The following KSR2 variants were observed in gnomAD, a reference collection of about 807,000 sequenced individuals.
The protein encoded by KSR2 is kinase suppressor of ras 2.
In KSR2, 25 loss-of-function variants were observed where a neutral mutation model predicts 107.8. The ratio of observed to expected loss-of-function variants is 0.23; its 90% confidence interval spans 0.17 to 0.32. The LOEUF (loss-of-function observed/expected upper bound fraction) is 0.32, where lower values mean the gene tolerates loss of function less well. Among genes scored for constraint, KSR2 ranks in the 10% least tolerant of loss-of-function variants. The pLI, the probability that KSR2 is intolerant of heterozygous loss-of-function variation, is 1.00. For missense variants in KSR2, 887 were observed against 1,268.9 expected, an observed-to-expected ratio of 0.70 and a Z score of 4.57; for synonymous variants, 480 against 507.0, an observed-to-expected ratio of 0.95 and a Z score of 0.71.
At chr12:117,947,192 AAAGAAAAGAAAGAAAAG>A (rs1236790676) in intron 1 of KSR2, among the ~76,000 whole-genome samples, 7 of 94,898 alleles carry the variant, frequency 7.4e-5, no homozygotes, top group Non-Finnish European at 8.8e-5. Flanking sequence ...GAAAGAAAAG[AAAGAAAAGAAAGAAAAG>A]AAAGAAAGAA....
chr12:117,683,080 G>C (rs1885436969), intron 4 of KSR2, among the ~76,000 whole-genome samples: 1 of 152,128 alleles, frequency 6.6e-6, no homozygotes, highest in Non-Finnish European at 1.5e-5. Flanking sequence ...TGGCAGGTGA[G>C]GGGGCTGTGG....
chr12:117,592,263 A>G (rs1880368099), intron 5 of KSR2, among the ~76,000 whole-genome samples: 3 of 151,698 alleles, frequency 2.0e-5, no homozygotes, highest in Admixed American at 2.0e-4. Flanking sequence ...ACAGGTACCC[A>G]CAACCACGAC....
chr12:117,797,747 C>T (rs1186466877), intron 3 of KSR2, among the ~76,000 whole-genome samples: 2 of 119,848 alleles, frequency 1.7e-5, no homozygotes. Flanking sequence ...TCAAACCATC[C>T]TGGGCTCAAA....
intron 14 of KSR2, among the ~76,000 whole-genome samples, chr12:117,516,902 G>A: frequency 6.6e-6 from 1 of 152,072 alleles, no homozygotes; most frequent in East Asian, 1.9e-4. Flanking sequence ...TTTCCTCCTG[G>A]GAATACAGTT....
At chr12:117,572,317 T>C (rs1044874294) in intron 7 of KSR2, among the ~76,000 whole-genome samples, 5 of 152,080 alleles carry the variant, frequency 3.3e-5, no homozygotes, top group African/African-American at 7.2e-5. Flanking sequence ...TAAGTACAAA[T>C]ACGAAGTATC....
intron 12 of KSR2, among the ~76,000 whole-genome samples, chr12:117,528,101 AT>A (rs1036194031): frequency 6.6e-6 from 1 of 151,934 alleles, no homozygotes; most frequent in Non-Finnish European, 1.5e-5. Context: ...CTGCATAGGT[AT>A]TATGGGATGT....
chr12:117,704,900 G>A (rs960219664), intron 4 of KSR2, among the ~76,000 whole-genome samples: 7 of 151,914 alleles, frequency 4.6e-5, no homozygotes, highest in South Asian at 2.1e-4. Flanking sequence ...ATCTGGGGAT[G>A]AGATTATTTT....
chr12:117,577,212 G>T (rs1374888290), intron 7 of KSR2, among the ~76,000 whole-genome samples: 1 of 147,360 alleles, frequency 6.8e-6, no homozygotes, highest in African/African-American at 2.7e-5. Flanking sequence ...TAGAGCAGAA[G>T]GAGGAGTTCT....
chr12:117,876,150 C>T (rs1185627104), intron 1 of KSR2, among the ~76,000 whole-genome samples: 1 of 152,216 alleles, frequency 6.6e-6, no homozygotes, highest in African/African-American at 2.4e-5. Flanking sequence ...GCAGCCACAG[C>T]CAGCAGCCCC....
At chr12:117,572,289 C>T (rs914962578) in intron 7 of KSR2, among the ~76,000 whole-genome samples, 1 of 152,164 alleles carries the variant, frequency 6.6e-6, no homozygotes, top group African/African-American at 2.4e-5. Context: ...TGATGTAGCA[C>T]CACAGCACTT....
chr12:117,649,239 G>C (rs1883784423), intron 5 of KSR2, among the ~76,000 whole-genome samples: 1 of 152,156 alleles, frequency 6.6e-6, no homozygotes, highest in Admixed American at 6.5e-5. Flanking sequence ...CTGCATCCTA[G>C]AGGGCTTCTA....
rs947610916 is a variant in KSR2, at chr12:117,462,423, G to A, written c.*4776C>T. 8 of 151,988 alleles carry A rather than the reference G, an allele frequency of 5.3e-5. No homozygotes were observed. Among genetic ancestry groups the A allele is most frequent in the African/African-American group, 1.9e-4 (8 of 41,350 alleles). 9.4% of individuals were successfully genotyped at this position (151,988 alleles called of 1,614,324 possible). On this transcript the variant is annotated 3_prime_UTR_variant, in exon 20 of 20. Transcript: ENST00000339824. ...AAGAAGATGGCCATATGAAGATAGG[G>A]ACACACAGAGAGATGATGAGGGCAG...
intron 3 of KSR2, among the ~76,000 whole-genome samples, chr12:117,854,859 G>T (rs1893046785): frequency 1.3e-5 from 2 of 149,950 alleles, no homozygotes; most frequent in Admixed American, 1.3e-4. Flanking sequence ...AGTCACAGAG[G>T]TTATTTTATT....
At chr12:117,773,198 G>T (rs570389585) in intron 3 of KSR2, among the ~76,000 whole-genome samples, 2 of 152,280 alleles carry the variant, frequency 1.3e-5, no homozygotes, top group East Asian at 3.9e-4. Context: ...GGTAGCAGGG[G>T]GCTCTGGGGG....
At chr12:117,870,461 G>T (rs67031857) in intron 1 of KSR2, among the ~76,000 whole-genome samples, 97 of 152,116 alleles carry the variant, frequency 6.4e-4, no homozygotes, top group Non-Finnish European at 1.1e-3. Flanking sequence ...TTAACCGGGT[G>T]TGGTGGAACA....
At chr12:117,487,495 T>G (rs952900406) in intron 14 of KSR2, among the ~76,000 whole-genome samples, 3 of 152,156 alleles carry the variant, frequency 2.0e-5, no homozygotes, top group African/African-American at 7.2e-5. Flanking sequence ...GGCAGGGCAT[T>G]TGCTGTGGCT....
At chr12:117,943,607 T>G (rs924052127) in intron 1 of KSR2, among the ~76,000 whole-genome samples, 7 of 147,032 alleles carry the variant, frequency 4.8e-5, no homozygotes, top group African/African-American at 1.8e-4. Context: ...ATCAACAAAA[T>G]GGGCAGATAC....
chr12:117,521,974 G>T (rs1277151819), intron 14 of KSR2, among the ~76,000 whole-genome samples: 1 of 152,176 alleles, frequency 6.6e-6, no homozygotes, highest in African/African-American at 2.4e-5. Context: ...CAATAATATG[G>T]AATCAATGCC....
chr12:117,562,076 T>G (rs770957578), intron 7 of KSR2, among the ~76,000 whole-genome samples: 46 of 151,876 alleles, frequency 3.0e-4, no homozygotes, highest in Admixed American at 9.8e-4. Flanking sequence ...TTGGGGGGAA[T>G]GATGGGGTAT....
Sources: gnomAD v4.1 joint callset for allele counts (sites outside exome capture counted in the v4.1 genomes callset) on GRCh38, gnomAD v4.1.1 for gene constraint, MANE v1.5 for transcripts, NCBI Gene and HGNC (gene_info 2026-07-23, HGNC 2026-07-21) for gene names.